The following PTPN11 variants were observed in gnomAD, a reference collection of about 807,000 sequenced individuals.
PTPN11 encodes the protein tyrosine-protein phosphatase non-receptor type 11.
In PTPN11, 6 loss-of-function variants were observed where a neutral mutation model predicts 78.8. That is an observed-to-expected ratio of 0.08 (90% confidence interval 0.04 to 0.15). PTPN11 has a LOEUF of 0.15. Ranked by LOEUF, PTPN11 falls within the 10% of genes least tolerant of loss-of-function variation. The pLI is 1.00. For missense variants in PTPN11, 386 were observed against 744.8 expected (o/e 0.52, Z 5.61); for synonymous variants, 221 against 263.5 (o/e 0.84, Z 1.56).
intron 1 of PTPN11, among the ~76,000 whole-genome samples, chr12:112,439,348 G>A (rs1473746135): frequency 6.6e-6 from 1 of 152,012 alleles, no homozygotes; most frequent in Non-Finnish European, 1.5e-5. Context: ...GGCTGGAGTG[G>A]AGTGGTGTGA....
In PTPN11 at chr12:112,465,989, G is replaced by A. The variant is rs555100006; in HGVS notation, c.757-6955G>A. On this transcript the variant is annotated intron_variant, in intron 6 of 15. Transcript: ENST00000351677. Reference sequence around the variant, plus strand: ...TTCCTTCCTTCATTCAGCAAATACTGATTGAACACCGACTGTATGTCTGGA... The same window carrying A: ...TTCCTTCCTTCATTCAGCAAATACTAATTGAACACCGACTGTATGTCTGGA... Among the ~76,000 whole-genome samples, 424 of 152,316 alleles carry A rather than the reference G, an allele frequency of 2.8e-3. 5 individuals are homozygous for A. The highest frequency in any genetic ancestry group is 9.5e-3 in the African/African-American group (394 of 41,580).
At chr12:112,470,633 G>C (rs2038399997) in intron 6 of PTPN11, among the ~76,000 whole-genome samples, 1 of 152,126 alleles carries the variant, frequency 6.6e-6, no homozygotes, top group African/African-American at 2.4e-5. Context: ...CTTTGGCCAC[G>C]TGTGCCCTGC....
chr12:112,451,883 T>C (rs575116397), intron 3 of PTPN11, among the ~76,000 whole-genome samples: 99 of 152,366 alleles, frequency 6.5e-4, no homozygotes, highest in Non-Finnish European at 6.8e-4. Flanking sequence ...TTTTTTTTAA[T>C]TTATTTATTT....
rs139674192 is a variant in PTPN11 at position 112,475,528 on chromosome 12, T to C, written c.854-2123T>C. Among the ~76,000 whole-genome samples the C allele has an allele frequency of 9.7e-3, 1,473 of 152,262 alleles. 22 individuals carry two copies. Among genetic ancestry groups the C allele is most frequent in the African/African-American group, 0.034 (1,402 of 41,548 alleles). On this transcript the variant is annotated intron_variant, in intron 7 of 15. Transcript: ENST00000351677. ...CTTTGGCTTCCCAAAGTGCTGGGAT[T>C]ACAGGCATGAGCGACTGCACCTGGC...
intron 13 of PTPN11, among the ~76,000 whole-genome samples, chr12:112,492,387 A>G (rs1002559068): frequency 1.3e-5 from 2 of 148,926 alleles, no homozygotes; most frequent in East Asian, 3.9e-4. Context: ...TTTTTGCTAC[A>G]TTTTTTTTTT....
chr12:112,451,608 T>C (rs1450998214), intron 3 of PTPN11, among the ~76,000 whole-genome samples: 1 of 152,188 alleles, frequency 6.6e-6, no homozygotes, highest in Non-Finnish European at 1.5e-5. Context: ...TTGATATTGC[T>C]GGTTGTGGAG....
chr12:112,443,827 A>AT (rs952617302), intron 1 of PTPN11, among the ~76,000 whole-genome samples: 7 of 149,330 alleles, frequency 4.7e-5, no homozygotes, highest in Admixed American at 4.0e-4. Flanking sequence ...TAATTTTTAT[A>AT]TTTTTTTGTA....
intron 1 of PTPN11, among the ~76,000 whole-genome samples, chr12:112,427,716 T>C (rs2037642944): frequency 6.6e-6 from 1 of 151,878 alleles, no homozygotes; most frequent in Non-Finnish European, 1.5e-5. Flanking sequence ...TGTAACTCTC[T>C]ACCCCCTCCC....
intron 1 of PTPN11, among the ~76,000 whole-genome samples, chr12:112,424,373 G>A (rs946203416): frequency 6.6e-6 from 1 of 152,242 alleles, no homozygotes; most frequent in African/African-American, 2.4e-5. Flanking sequence ...GGAGAGGAGT[G>A]TAGATTGTAT....
intron 2 of PTPN11, among the ~76,000 whole-genome samples, chr12:112,447,358 A>G (rs1316425229): frequency 6.6e-6 from 1 of 152,162 alleles, no homozygotes; most frequent in Non-Finnish European, 1.5e-5. Context: ...ACGTGTTTTT[A>G]TAGTTGTACT....
At chr12:112,475,441 T>TGG (rs147170718) in intron 7 of PTPN11, among the ~76,000 whole-genome samples, 5 of 151,918 alleles carry the variant, frequency 3.3e-5, no homozygotes, top group African/African-American at 1.2e-4. Flanking sequence ...TATATAGAGA[T>TGG]GGGGGGTCTC....
chr12:112,437,594 G>T (rs2037814369), intron 1 of PTPN11, among the ~76,000 whole-genome samples: 1 of 152,072 alleles, frequency 6.6e-6, no homozygotes, highest in South Asian at 2.1e-4. Flanking sequence ...GAGTACCATT[G>T]GTCTCTGTTG....
intron 8 of PTPN11, 29 bp from the exon 9 acceptor site, chr12:112,477,828 T>A: frequency 6.2e-7 from 1 of 1,613,490 alleles, no homozygotes; most frequent in Non-Finnish European, 8.5e-7. Context: ...CTTTAAGGTG[T>A]TTGAAGGATT....
At chr12:112,419,856 A>G (rs1386810401) in intron 1 of PTPN11, among the ~76,000 whole-genome samples, 1 of 152,240 alleles carries the variant, frequency 6.6e-6, no homozygotes, top group Non-Finnish European at 1.5e-5. Flanking sequence ...GCCCAGAAGC[A>G]ACATGCTAGT....
chr12:112,469,031 T>C (rs2038372642), intron 6 of PTPN11, among the ~76,000 whole-genome samples: 1 of 151,940 alleles, frequency 6.6e-6, no homozygotes, highest in South Asian at 2.1e-4. Context: ...ACCACTGCAT[T>C]CCAGCCTGGG....
intron 1 of PTPN11, among the ~76,000 whole-genome samples, chr12:112,445,107 A>G (rs2037970983): frequency 6.6e-6 from 1 of 152,104 alleles, no homozygotes. Flanking sequence ...ATACACATAC[A>G]CATACCCCGA....
chr12:112,419,644 T>C (rs1312703892), intron 1 of PTPN11, among the ~76,000 whole-genome samples: 2 of 152,218 alleles, frequency 1.3e-5, no homozygotes, highest in African/African-American at 4.8e-5. Context: ...CCTCTTTGTG[T>C]CTTCTTTTCC....
At chr12:112,440,194 G>A (rs746572740) in intron 1 of PTPN11, among the ~76,000 whole-genome samples, 40 of 152,196 alleles carry the variant, frequency 2.6e-4, no homozygotes, top group Non-Finnish European at 5.0e-4. Context: ...CATTCTGAAT[G>A]CAAAAGTATT....
intron 6 of PTPN11, among the ~76,000 whole-genome samples, chr12:112,464,150 T>C (rs1249715737): frequency 1.3e-5 from 2 of 152,242 alleles, no homozygotes; most frequent in African/African-American, 4.8e-5. Flanking sequence ...ATGCCATTGG[T>C]AATTTAACTC....
Sources: gnomAD v4.1 joint callset for allele counts (sites outside exome capture counted in the v4.1 genomes callset) on GRCh38, gnomAD v4.1.1 for gene constraint, MANE v1.5 for transcripts, NCBI Gene and HGNC (gene_info 2026-07-23, HGNC 2026-07-21) for gene names.